The following CDHR3 variants were observed in gnomAD, a reference collection of about 807,000 sequenced individuals.
CDHR3 encodes cadherin-related family member 3.
In CDHR3, 79 loss-of-function variants were observed where a neutral mutation model predicts 86.6. That is an observed-to-expected ratio of 0.91 (90% confidence interval 0.76 to 1.10). The LOEUF is 1.10. Among genes scored for constraint, CDHR3 ranks in the 50% least tolerant of loss-of-function variants. CDHR3 has a pLI of 0.00. For missense variants in CDHR3, 1,081 were observed against 1,077.6 expected, an observed-to-expected ratio of 1.00 and a Z score of -0.04; for synonymous variants, 421 against 402.4, an observed-to-expected ratio of 1.05 and a Z score of -0.55.
chr7:105,971,081 C>T (rs1396020538), intron 1 of CDHR3, among the ~76,000 whole-genome samples: 1 of 149,896 alleles, frequency 6.7e-6, no homozygotes, highest in Non-Finnish European at 1.5e-5. Flanking sequence ...GCAGAGCTTG[C>T]AGTGAGCCAA....
At chr7:105,996,886 A>G (rs1200322602) in intron 6 of CDHR3, among the ~76,000 whole-genome samples, 1 of 152,090 alleles carries the variant, frequency 6.6e-6, no homozygotes, top group Non-Finnish European at 1.5e-5. Flanking sequence ...AGAGGTGGGA[A>G]GGGTAAATGC....
rs1419283085 is a variant in CDHR3, at chr7:106,019,848, A to G, written c.1654-525A>G. ...GGCCCTGACCCCCACCCTCCAATCTATTGGTTCTGAAGTGGGCCCAAGAAA... is the reference window on the plus strand; with the variant it reads ...GGCCCTGACCCCCACCCTCCAATCTGTTGGTTCTGAAGTGGGCCCAAGAAA... On this transcript the variant is annotated intron_variant, in intron 12 of 18. Coordinates refer to ENST00000317716, the MANE Select transcript of CDHR3 (RefSeq NM_152750.5). Among the ~76,000 whole-genome samples, 12 of 152,290 alleles carry G rather than the reference A, an allele frequency of 7.9e-5. No individual in the cohort carries two copies. The East Asian group carries it at 1.3e-3, about 17-fold the overall frequency.
intron 8 of CDHR3, among the ~76,000 whole-genome samples, chr7:106,005,748 T>C (rs897930666): frequency 6.6e-6 from 1 of 152,230 alleles, no homozygotes; most frequent in African/African-American, 2.4e-5. Flanking sequence ...TTTATTATAC[T>C]CATGAATGTC....
At chr7:105,980,492 A>C (rs1272013430) in intron 2 of CDHR3, among the ~76,000 whole-genome samples, 5 of 150,570 alleles carry the variant, frequency 3.3e-5, no homozygotes, top group Non-Finnish European at 7.4e-5. Flanking sequence ...TTACATATGT[A>C]TACAGGTGCC....
chr7:106,025,867 G>T (rs1285874171), intron 15 of CDHR3, among the ~76,000 whole-genome samples: 1 of 152,036 alleles, frequency 6.6e-6, no homozygotes, highest in East Asian at 1.9e-4. Flanking sequence ...TTCACAAATT[G>T]ATTTTTTTAA....
intron 11 of CDHR3, among the ~76,000 whole-genome samples, chr7:106,016,834 C>T (rs1355843731): frequency 6.6e-6 from 1 of 152,172 alleles, no homozygotes; most frequent in African/African-American, 2.4e-5. Context: ...CAGTGAATAA[C>T]AAATTCGAAA....
intron 8 of CDHR3, 116 bp from the exon 9 acceptor site, chr7:106,012,744 C>A (rs1835004627): frequency 2.6e-6 from 3 of 1,150,060 alleles, no homozygotes; most frequent in South Asian, 3.2e-5. Flanking sequence ...CTGCAATGAC[C>A]ATGGACTTAC....
chr7:106,012,988 G>T lies in CDHR3; in HGVS notation c.1181G>T (p.Gly394Val), dbSNP rs563246667. 2 of 1,612,254 alleles carry T rather than the reference G, an allele frequency of 1.2e-6. No homozygotes were observed. Among genetic ancestry groups the T allele is most frequent in the African/African-American group, 2.7e-5 (2 of 74,964 alleles). Residue 394 changes from glycine to valine, a missense_variant, in exon 9 of 19, where the codon GGC (glycine) becomes GTC (valine). Physicochemically the swap from Gly to Val is moderately radical, Grantham distance 109. Coordinates refer to ENST00000317716, the MANE Select transcript of CDHR3 (RefSeq NM_152750.5). ...ACCATGCCATCTGGAGTGGGGAGCG[G>T]CAGCAGATTTTTACAGGATCCAGCT... is the stretch of plus-strand genomic sequence containing the variant. ...NFTMPSGVGSGSRFLQDPAGS... is the reference protein window; with the variant it reads ...NFTMPSGVGSVSRFLQDPAGS...
rs959973205 is a variant in CDHR3, at chr7:105,994,752, A to T, written c.515A>T (p.Tyr172Phe). 1 of 1,607,740 alleles carries T rather than the reference A, an allele frequency of 6.2e-7. No individual in the cohort carries two copies. The highest frequency in any genetic ancestry group is 1.3e-5 in the African/African-American group (1 of 74,804). Reference protein sequence around the residue: ...EDTSRNIPLSYFLISPPKSFR... With the variant: ...EDTSRNIPLSFFLISPPKSFR... ...CAATTTTTTTCCCTTGTTTTTTAGT[A>T]TTTCCTGATTTCTCCCCCAAAGAGC... The change falls in exon 5 of 19, where the codon TAT becomes TTT. Residue 172 changes from tyrosine (Y) to phenylalanine (F), a missense_variant and splice_region_variant. By Grantham distance (22) the Tyr-to-Phe change is conservative. Transcript: ENST00000317716.
At chr7:106,029,548 G>GTCTCTCTCTCTCTCTC (rs59823993) in intron 17 of CDHR3, among the ~76,000 whole-genome samples, 63 of 147,172 alleles carry the variant, frequency 4.3e-4, no homozygotes, top group African/African-American at 1.6e-3. Flanking sequence ...CTCCACCTCT[G>GTCTCTCTCTCTCTCTC]TCTCTCTCTC....
intron 4 of CDHR3, among the ~76,000 whole-genome samples, chr7:105,989,435 T>C (rs1331081824): frequency 1.3e-5 from 2 of 152,050 alleles, no homozygotes; most frequent in African/African-American, 4.8e-5. Context: ...TTTTGGCCTT[T>C]CCATTGAGGA....
At chr7:105,988,816 A>G (rs1319952941) in intron 4 of CDHR3, among the ~76,000 whole-genome samples, 1 of 152,254 alleles carries the variant, frequency 6.6e-6, no homozygotes, top group East Asian at 1.9e-4. Context: ...AAAACAAAAT[A>G]AATGAAATTA....
rs545341223 is a variant in CDHR3 at position 105,981,100 on chromosome 7, G to A, written c.382G>A (p.Glu128Lys). 19 of 1,613,630 alleles carry A rather than the reference G, an allele frequency of 1.2e-5. No homozygotes were observed. The highest frequency in any genetic ancestry group is 1.7e-5 in the Admixed American group (1 of 59,988). The change falls in exon 3 of 19, where the codon GAG becomes AAG. Residue 128 changes from glutamate (E) to lysine (K), a missense_variant. Coordinates refer to ENST00000317716, the MANE Select transcript of CDHR3 (RefSeq NM_152750.5). The stretch of plus-strand genomic sequence containing the variant: ...GACTGTCCAGGTAACAGATGTGAAC[G>A]AGCCACCTCAGTTTCAAGGCAACTT... ...VLTVQVTDVN[E>K]PPQFQGNLAE...
intron 8 of CDHR3, among the ~76,000 whole-genome samples, chr7:106,006,797 T>A (rs2115813691): frequency 6.6e-6 from 1 of 152,322 alleles, no homozygotes. Flanking sequence ...TTTACCATTC[T>A]GGGGTCTGGA....
rs1827867821 is a variant in CDHR3 at position 105,971,005 on chromosome 7, GT to G, written c.47-3838del. 2.0e-5 allele frequency among the ~76,000 whole-genome samples: 3 copies of G among 152,110 alleles called. No homozygotes were observed. The South Asian group carries it at 6.2e-4, about 32-fold the overall frequency. On this transcript the variant is annotated intron_variant, in intron 1 of 18. Coordinates refer to ENST00000317716, the MANE Select transcript of CDHR3 (RefSeq NM_152750.5). Reference sequence around the variant, plus strand: ...AAATACAAAAAAATAGCCAGGCATGGTGGCAGGTGCCTGTGGTCCCAGCTGC... The same window carrying G: ...AAATACAAAAAAATAGCCAGGCATGGGGCAGGTGCCTGTGGTCCCAGCTGC...
chr7:105,979,379 C>G (rs1563236846), intron 2 of CDHR3, among the ~76,000 whole-genome samples: 1 of 152,088 alleles, frequency 6.6e-6, no homozygotes, highest in African/African-American at 2.4e-5. Context: ...TCTTTTTCCC[C>G]CCTCGACAAT....
At chr7:105,976,185 G>A (rs141261146) in intron 2 of CDHR3, among the ~76,000 whole-genome samples, 2 of 152,270 alleles carry the variant, frequency 1.3e-5, no homozygotes, top group Non-Finnish European at 2.9e-5. Context: ...CTGCTCCTTG[G>A]TTCCTGTAAG....
intron 4 of CDHR3, among the ~76,000 whole-genome samples, chr7:105,990,042 C>T (rs1013744501): frequency 3.3e-5 from 5 of 152,242 alleles, no homozygotes; most frequent in Non-Finnish European, 7.4e-5. Context: ...ATTCCCACTC[C>T]AAATATGTGG....
intron 4 of CDHR3, among the ~76,000 whole-genome samples, chr7:105,993,471 C>T (rs1585639226): frequency 1.3e-5 from 2 of 151,580 alleles, no homozygotes; most frequent in Non-Finnish European, 2.9e-5. Flanking sequence ...GGAGTTCAAG[C>T]CCAGCCTGGG....
Sources: gnomAD v4.1 joint callset for allele counts (sites outside exome capture counted in the v4.1 genomes callset) on GRCh38, gnomAD v4.1.1 for gene constraint, MANE v1.5 for transcripts, NCBI Gene and HGNC (gene_info 2026-07-23, HGNC 2026-07-21) for gene names.